Variants in SNX10 observed in about 807,000 individuals in gnomAD.
The protein encoded by SNX10 is sorting nexin-10.
A neutral mutation model predicts 28.5 loss-of-function variants in SNX10; 25 were observed. The ratio of observed to expected loss-of-function variants is 0.88; its 90% CI spans 0.64 to 1.22. The LOEUF (loss-of-function observed/expected upper bound fraction) is 1.22. SNX10 is among the 50% of genes most tolerant of loss of function. The probability of loss-of-function intolerance (pLI) is 0.00; values close to 1 mark genes in which losing one functional copy is unlikely to be tolerated. For missense variants in SNX10, 223 were observed against 242.6 expected, an observed-to-expected ratio of 0.92 and a Z score of 0.54; for synonymous variants, 62 against 81.4, an observed-to-expected ratio of 0.76 and a Z score of 1.28.
chr7:26,340,745 G>A (rs558207308), intron 1 of SNX10, among the ~76,000 whole-genome samples: 1 of 152,314 alleles, frequency 6.6e-6, no homozygotes, highest in East Asian at 1.9e-4. Flanking sequence ...GTTGTTTGAT[G>A]TGGTTGTGCG....
chr7:26,347,124 CGTGCACACACAT>C (rs928274191), intron 2 of SNX10, among the ~76,000 whole-genome samples: 18 of 60,826 alleles, frequency 3.0e-4, no homozygotes, highest in African/African-American at 1.1e-3. Context: ...TGCACACACA[CGTGCACACACAT>C]GCACACGAGT....
chr7:26,371,977 C>T lies in SNX10; in HGVS notation c.468C>T (p.Phe156=). 1.2e-6 allele frequency: 2 copies of T among 1,613,036 alleles called. No homozygotes were observed. The highest frequency in any genetic ancestry group is 1.7e-6 in the Non-Finnish European group (2 of 1,179,350). Residue 156 remains phenylalanine (F), a synonymous_variant, in exon 6 of 7, where the codon TTC becomes TTT. Transcript: ENST00000338523. ...IHKFALMNRR[F]PEEDEEGKKE... ...AGTTTGCCTTAATGAATAGACGTTT[C>T]CCTGAAGAAGATGAAGAAGGAAAAA...
intron 5 of SNX10, among the ~76,000 whole-genome samples, chr7:26,368,669 A>G (rs1562822820): frequency 3.9e-5 from 6 of 152,194 alleles, no homozygotes; most frequent in Admixed American, 3.9e-4. Flanking sequence ...ATTTTTTACA[A>G]AAGGCTAGTG....
In SNX10 at chr7:26,299,185, A is replaced by G. The variant is rs919574394; in HGVS notation, c.-24+7099A>G. On this transcript the variant is annotated intron_variant, in intron 1 of 6. Transcript: ENST00000338523. ...TTAGAAAGGGAAAGGGAATGGCATT[A>G]TGGAGGATTTCAGCAATTTTTTTTT... 8.6e-5 allele frequency among the ~76,000 whole-genome samples: 13 copies of G among 152,002 alleles called. 1 individual carries two copies. Among genetic ancestry groups the G allele is most frequent in the Admixed American group, 1.3e-4 (2 of 15,234 alleles).
At chr7:26,318,322 T>A (rs1270606977) in intron 1 of SNX10, among the ~76,000 whole-genome samples, 2 of 152,230 alleles carry the variant, frequency 1.3e-5, no homozygotes, top group East Asian at 1.9e-4. Context: ...CTTTTGTCTC[T>A]CTGGTCTGTG....
chr7:26,301,997 A>T (rs1360391996), intron 1 of SNX10, among the ~76,000 whole-genome samples: 1 of 152,198 alleles, frequency 6.6e-6, no homozygotes, highest in East Asian at 1.9e-4. Context: ...AACATAATCC[A>T]TGTAGATTAT....
At chr7:26,371,543 TAA>T (rs1789534481) in intron 5 of SNX10, among the ~76,000 whole-genome samples, 1 of 152,184 alleles carries the variant, frequency 6.6e-6, no homozygotes, top group African/African-American at 2.4e-5. Flanking sequence ...CACATGGTAA[TAA>T]GAGATGGGTA....
At chr7:26,310,532 T>G (rs1017577517) in intron 1 of SNX10, among the ~76,000 whole-genome samples, 4 of 152,074 alleles carry the variant, frequency 2.6e-5, no homozygotes, top group African/African-American at 9.7e-5. Context: ...AGTGGGTGGT[T>G]AGGGAACCCT....
In SNX10 at chr7:26,293,839, T is replaced by G. The variant is rs1005020233; in HGVS notation, c.-24+1753T>G. ...GACCCCTGAGTTAGGTAACCTAAAG[T>G]AATAGAAATAAGCACGTTCATTAAA... On this transcript the variant is annotated intron_variant, in intron 1 of 6. Coordinates refer to ENST00000338523, the MANE Select transcript of SNX10 (RefSeq NM_013322.3). 3.9e-5 allele frequency among the ~76,000 whole-genome samples: 6 copies of G among 152,106 alleles called. No homozygotes were observed. In the East Asian group the frequency reaches 1.2e-3, roughly 29 times the overall value.
At chr7:26,333,323 T>C (rs1327115994) in intron 1 of SNX10, among the ~76,000 whole-genome samples, 1 of 86,760 alleles carries the variant, frequency 1.2e-5, no homozygotes, top group Non-Finnish European at 2.2e-5. Flanking sequence ...TATTTTATTC[T>C]TTTTTTTTTT....
chr7:26,321,713 CCTTA>C (rs1250225366), intron 1 of SNX10, among the ~76,000 whole-genome samples: 1 of 152,092 alleles, frequency 6.6e-6, no homozygotes, highest in Non-Finnish European at 1.5e-5. Flanking sequence ...TGGACACCCT[CCTTA>C]CTTCATTATC....
chr7:26,336,092 T>C (rs1343370789), intron 1 of SNX10, among the ~76,000 whole-genome samples: 2 of 151,954 alleles, frequency 1.3e-5, no homozygotes, highest in Non-Finnish European at 2.9e-5. Context: ...AATAGAAAAA[T>C]AGCTGAACAT....
intron 1 of SNX10, among the ~76,000 whole-genome samples, chr7:26,332,667 C>G (rs1453945477): frequency 2.0e-5 from 3 of 152,128 alleles, no homozygotes; most frequent in Non-Finnish European, 4.4e-5. Flanking sequence ...TAGAGACTAA[C>G]TGCTGTGTTT....
At chr7:26,352,285 G>C (rs1020378587) in intron 2 of SNX10, among the ~76,000 whole-genome samples, 1 of 152,170 alleles carries the variant, frequency 6.6e-6, no homozygotes, top group Admixed American at 6.5e-5. Context: ...GCATAAAGCT[G>C]GGTGTGTTGG....
intron 1 of SNX10, among the ~76,000 whole-genome samples, chr7:26,327,618 A>G (rs552190147): frequency 1.3e-5 from 2 of 151,664 alleles, no homozygotes; most frequent in Non-Finnish European, 2.9e-5. Context: ...CTCCTCCATT[A>G]GGCTGAATAT....
chr7:26,319,473 T>TATA (rs1228265557), intron 1 of SNX10, among the ~76,000 whole-genome samples: 1 of 152,164 alleles, frequency 6.6e-6, no homozygotes, highest in East Asian at 1.9e-4. Context: ...GAGGATACAT[T>TATA]ATAAATAAAT....
intron 5 of SNX10, among the ~76,000 whole-genome samples, chr7:26,366,745 A>G (rs1030064509): frequency 3.3e-5 from 5 of 152,098 alleles, no homozygotes; most frequent in African/African-American, 9.7e-5. Flanking sequence ...GGCAGCACGT[A>G]CCTCTGAATT....
chr7:26,365,999 A>G (rs1421477212), intron 5 of SNX10, among the ~76,000 whole-genome samples: 3 of 152,182 alleles, frequency 2.0e-5, no homozygotes, highest in Non-Finnish European at 4.4e-5. Context: ...TCTGGCATGC[A>G]GTGTGTGCTA....
chr7:26,330,323 G>A (rs1185403290), intron 1 of SNX10, among the ~76,000 whole-genome samples: 2 of 152,108 alleles, frequency 1.3e-5, no homozygotes, highest in Admixed American at 1.3e-4. Flanking sequence ...GAGGAGGTTG[G>A]TCACATTCCT....
Sources: allele counts gnomAD v4.1 joint callset (sites outside exome capture counted in the v4.1 genomes callset), GRCh38; gene constraint gnomAD v4.1.1; transcripts MANE v1.5; gene names NCBI Gene and HGNC (gene_info 2026-07-23, HGNC 2026-07-21).